The following A1BG variants were observed in gnomAD, a reference collection of about 807,000 sequenced individuals.
A1BG encodes the protein alpha-1B-glycoprotein.
A neutral mutation model predicts 46.0 loss-of-function variants in A1BG; 44 were observed. The observed-to-expected ratio is 0.96, with a 90% CI of 0.75 to 1.23. The LOEUF is 1.23. Among genes scored for constraint, A1BG ranks in the 50% most tolerant of loss-of-function variants. A1BG has a pLI of 0.00. For missense variants in A1BG, 707 were observed against 688.8 expected, an observed-to-expected ratio of 1.03 and a Z score of -0.30; for synonymous variants, 316 against 314.7, an observed-to-expected ratio of 1.00 and a Z score of -0.04.
chr19:58,347,494 G>T lies in A1BG; in HGVS notation c.1339C>A (p.Arg447Ser). 1 of 1,594,836 alleles carries T rather than the reference G, an allele frequency of 6.3e-7. No individual in the cohort carries two copies. The change falls in exon 7 of 8, where the codon CGC becomes AGC. Residue 447 changes from arginine (R) to serine (S), a missense_variant. Arg to Ser is a moderately radical substitution (Grantham distance 110). Transcript: ENST00000263100. Reference protein sequence around the residue: ...EGETKAVKTVRTPGAAANLEL... With the variant: ...EGETKAVKTVSTPGAAANLEL... The stretch of plus-strand genomic sequence containing the variant: ...AGGTTCGCCGCGGCCCCGGGGGTGC[G>T]GACCGTCTTCACGGCCTTCGTCTCG...
rs1208207331 is a variant in A1BG, at chr19:58,347,009, G to T, written c.*13C>A. On this transcript the variant is annotated 3_prime_UTR_variant, in exon 8 of 8. Transcript: ENST00000263100. ...TCTGAGGACACCAACAGCACCCTGG[G>T]CCCGCGGCTGCATCAGCTTTCTAGA... The T allele has an allele frequency of 6.2e-7, 1 of 1,614,104 alleles. No individual in the cohort carries two copies. The highest frequency in any genetic ancestry group is 1.7e-5 in the Admixed American group (1 of 60,004).
chr19:58,353,476 T>C lies in A1BG; in HGVS notation c.-39A>G, dbSNP rs756215985. 1.3e-6 allele frequency: 2 copies of C among 1,585,548 alleles called. No individual in the cohort carries two copies. The highest frequency in any genetic ancestry group is 2.3e-5 in the South Asian group (2 of 87,306). On this transcript the variant is annotated 5_prime_UTR_variant, in exon 1 of 8. Coordinates refer to ENST00000263100, the MANE Select transcript of A1BG (RefSeq NM_130786.4). ...ACTCCGGTGCAGTGAGTGTCTGGGG[T>C]GAGCGTCTGCAGCAATGAGGCCCCA...
At chr19:58,349,621 G>C (rs545301807) in intron 6 of A1BG, 1 of 150,612 alleles carries the variant, frequency 6.6e-6, no homozygotes, top group Non-Finnish European at 1.5e-5. Flanking sequence ...ACTGCACTCC[G>C]GCCTGCAAGA....
intron 2 of A1BG, 34 bp from the exon 3 acceptor site, chr19:58,353,231 C>A: frequency 6.2e-7 from 1 of 1,613,630 alleles, no homozygotes; most frequent in Non-Finnish European, 8.5e-7. Flanking sequence ...CTCAGTGCCA[C>A]AGAGACAGGG....
chr19:58,350,784 C>T (rs1311762696), intron 5 of A1BG, 133 bp from the exon 6 acceptor site: 28 of 944,230 alleles, frequency 3.0e-5, no homozygotes, highest in Non-Finnish European at 3.7e-5. Flanking sequence ...TCCCTCGCCT[C>T]CTCCGGGCCC....
At chr19:58,352,640 G>C in intron 3 of A1BG, 85 bp from the exon 4 acceptor site, 1 of 1,492,150 alleles carries the variant, frequency 6.7e-7, no homozygotes, top group Non-Finnish European at 9.0e-7. Flanking sequence ...ACACTCATAA[G>C]ACTGTGAAGG....
chr19:58,347,117 C>T (rs1368581697), intron 7 of A1BG, 88 bp from the exon 8 acceptor site: 7 of 1,516,946 alleles, frequency 4.6e-6, no homozygotes, highest in Non-Finnish European at 2.7e-6. Context: ...CTCCCTGACG[C>T]CCCCCCGGAA....
chr19:58,349,331 T>C (rs958888516), intron 6 of A1BG, among the ~76,000 whole-genome samples: 1 of 152,068 alleles, frequency 6.6e-6, no homozygotes, highest in African/African-American at 2.4e-5. Context: ...TAAACATTTT[T>C]CATCAATTGT....
In A1BG at chr19:58,351,394, C is replaced by G; in HGVS notation, c.907G>C (p.Asp303His). ...DSAPVELILSDETLPAPEFSP... is the reference protein window; with the variant it reads ...DSAPVELILSHETLPAPEFSP... The stretch of plus-strand genomic sequence containing the variant: ...GTCCCTGCTGGCCCCGGCTCACCAT[C>G]GCTCAGAATCAGCTCGACCGGCGCG... Residue 303 changes from aspartate to histidine, a missense_variant, in exon 5 of 8, where the codon GAT becomes CAT. Asp to His is a moderately conservative substitution (Grantham distance 81). Coordinates refer to ENST00000263100, the MANE Select transcript of A1BG (RefSeq NM_130786.4). The G allele has an allele frequency of 6.2e-7, 1 of 1,609,550 alleles. No individual in the cohort carries two copies. Among genetic ancestry groups the G allele is most frequent in the East Asian group, 2.2e-5 (1 of 44,864 alleles).
chr19:58,346,874 C>A lies in A1BG; in HGVS notation c.*148G>T. ...AGACATTTTAAACAGAGCCTCTCTT[C>A]ACATTTATTAATTCCTGGGAGGAAT... On this transcript the variant is annotated 3_prime_UTR_variant, in exon 8 of 8. Coordinates refer to ENST00000263100, the MANE Select transcript of A1BG (RefSeq NM_130786.4). 1 of 897,168 alleles carries A rather than the reference C, an allele frequency of 1.1e-6. No individual in the cohort carries two copies. The highest frequency in any genetic ancestry group is 1.6e-5 in the African/African-American group (1 of 61,094). 55.6% of individuals were successfully genotyped at this position (897,168 alleles called of 1,614,324 possible). A position where few individuals can be genotyped will look rare whatever the true frequency, so the allele number is the denominator to read the frequency against.
chr19:58,350,552 A>T lies in A1BG; in HGVS notation c.1010T>A (p.Val337Glu), dbSNP rs2051948311. The T allele has an allele frequency of 1.3e-6, 2 of 1,547,080 alleles. No homozygotes were observed. The highest frequency in any genetic ancestry group is 1.7e-6 in the Non-Finnish European group (2 of 1,145,338). ...GCGGCGCCCGCCCCTGTCCTCGCGC[A>T]CCAGGGCGAAGCGCGCGCCCTCCAG... is the stretch of plus-strand genomic sequence containing the variant. Reference protein sequence around the residue: ...APLEGARFALVREDRGGRRVH... With the variant: ...APLEGARFALEREDRGGRRVH... The change falls in exon 6 of 8, where the codon GTG becomes GAG. Residue 337 changes from valine (V) to glutamate (E), a missense_variant. Transcript: ENST00000263100.
In A1BG at chr19:58,347,012, C is replaced by T. The variant is rs2051917665; in HGVS notation, c.*10G>A. The T allele has an allele frequency of 1.2e-6, 2 of 1,613,994 alleles. No individual in the cohort carries two copies. Among genetic ancestry groups the T allele is most frequent in the African/African-American group, 1.3e-5 (1 of 74,932 alleles). Reference sequence around the variant, plus strand: ...GAGGACACCAACAGCACCCTGGGCCCGCGGCTGCATCAGCTTTCTAGACAA... The same window carrying T: ...GAGGACACCAACAGCACCCTGGGCCTGCGGCTGCATCAGCTTTCTAGACAA... On this transcript the variant is annotated 3_prime_UTR_variant, in exon 8 of 8. Transcript: ENST00000263100.
In A1BG at chr19:58,350,563, G is replaced by A; in HGVS notation, c.999C>T (p.Arg333=). 6.5e-7 allele frequency: 1 copy of A among 1,542,794 alleles called. No individual in the cohort carries two copies. The highest frequency in any genetic ancestry group is 1.2e-5 in the South Asian group (1 of 83,430). ...CCCTGTCCTCGCGCACCAGGGCGAA[G>A]CGCGCGCCCTCCAGGGGCGCCAGGC... ...LRCLAPLEGA[R]FALVREDRGG... The change falls in exon 6 of 8, where the codon CGC becomes CGT. Residue 333 remains arginine (R), a synonymous_variant. Transcript: ENST00000263100.
intron 3 of A1BG, 80 bp downstream of exon 3, chr19:58,352,848 G>A (rs866291831): frequency 5.9e-6 from 9 of 1,517,274 alleles, no homozygotes; most frequent in South Asian, 3.8e-5. Flanking sequence ...CAGAGACATC[G>A]GGTGACTTGG....
intron 2 of A1BG, 21 bp from the exon 3 acceptor site, chr19:58,353,218 C>T: frequency 6.2e-7 from 1 of 1,613,360 alleles, no homozygotes; most frequent in Non-Finnish European, 8.5e-7. Context: ...TGGCTGGGAT[C>T]AGCTCAGTGC....
At position 58,345,455 on chromosome 19, in the gene A1BG, G is replaced by C. The variant is rs978514804; in HGVS notation, c.*1567C>G. The C allele has an allele frequency of 7.9e-5, 12 of 152,082 alleles. No homozygotes were observed. The highest frequency in any genetic ancestry group is 1.7e-4 in the African/African-American group (7 of 41,388). The allele number at this position is 152,082 out of a possible 1,614,324, so 9.4% of individuals were successfully genotyped here. Reference sequence around the variant, plus strand: ...GAGGCGGGTGGATCACTTGAGCTCAGGAGTTGGAGACCAGCCTGGCCACCC... The same window carrying C: ...GAGGCGGGTGGATCACTTGAGCTCACGAGTTGGAGACCAGCCTGGCCACCC... On this transcript the variant is annotated 3_prime_UTR_variant, in exon 8 of 8. Transcript: ENST00000263100.
At chr19:58,351,269 G>T in intron 5 of A1BG, 122 bp downstream of exon 5, 1 of 1,239,500 alleles carries the variant, frequency 8.1e-7, no homozygotes, top group Non-Finnish European at 1.1e-6. Context: ...CGGCGGGTGG[G>T]CGGATAAAGT....
intron 3 of A1BG, 23 bp from the exon 4 acceptor site, chr19:58,352,578 G>T: frequency 6.3e-7 from 1 of 1,599,840 alleles, no homozygotes; most frequent in African/African-American, 1.3e-5. Flanking sequence ...TGGAGTTGAA[G>T]AGTGCTTCTG....
In A1BG at chr19:58,347,389, A is replaced by T. The variant is rs1163967213; in HGVS notation, c.1444T>A (p.Ser482Thr). The T allele has an allele frequency of 2.5e-6, 4 of 1,612,226 alleles. No individual in the cohort carries two copies. The Admixed American group carries it at 6.7e-5, about 27-fold the overall frequency. ...YRSWVPHTFE[S>T]ELSDPVELLV... The stretch of plus-strand genomic sequence containing the variant: ...AGCTCCACAGGGTCGCTGAGCTCCG[A>T]TTCGAAGGTGTGGGGCACCCAGGAG... The change falls in exon 7 of 8, where the codon TCG (serine) becomes ACG (threonine). Residue 482 changes from serine to threonine, a missense_variant. By Grantham distance (58) the Ser-to-Thr change is moderately conservative. Coordinates refer to ENST00000263100, the MANE Select transcript of A1BG (RefSeq NM_130786.4).
Sources: gnomAD v4.1 joint callset for allele counts (sites outside exome capture counted in the v4.1 genomes callset) on GRCh38, gnomAD v4.1.1 for gene constraint, MANE v1.5 for transcripts, NCBI Gene and HGNC (gene_info 2026-07-23, HGNC 2026-07-21) for gene names.